CPS1: variants seen among roughly 807,000 people sequenced by gnomAD.
CPS1 encodes carbamoyl-phosphate synthase 1, also known as carbamoyl-phosphate synthase [ammonia], mitochondrial.
Under a neutral mutation model 174.6 loss-of-function variants are expected in CPS1, and 109 were observed. The observed-to-expected ratio is 0.62, with a 90% CI of 0.53 to 0.73. CPS1 has a LOEUF of 0.73. Among genes scored for constraint, CPS1 ranks in the 30% least tolerant of loss-of-function variants. The probability of loss-of-function intolerance (pLI) is 0.00; values close to 1 mark genes in which losing one functional copy is unlikely to be tolerated. For missense variants in CPS1, 1,689 were observed against 1,821.9 expected, an observed-to-expected ratio of 0.93 and a Z score of 1.33; for synonymous variants, 637 against 632.0, an observed-to-expected ratio of 1.01 and a Z score of -0.12.
chr2:210,665,788 G>A (rs1250673924), intron 33 of CPS1, among the ~76,000 whole-genome samples: 5 of 148,146 alleles, frequency 3.4e-5, no homozygotes, highest in African/African-American at 5.0e-5. Context: ...ATAAACATAC[G>A]TGTGCATGTG....
rs572165461 is a variant in CPS1 at position 210,485,303 on chromosome 2, T to C, written c.3+7537T>C. On this transcript the variant is annotated intron_variant, in intron 1 of 38. Transcript: ENST00000430249. Reference sequence around the variant, plus strand: ...ATAATGGACATAAGTAAACGGTATCTAAAGTATACCATTTCATAAGTTTTG... The same window carrying C: ...ATAATGGACATAAGTAAACGGTATCCAAAGTATACCATTTCATAAGTTTTG... 6.6e-5 allele frequency among the ~76,000 whole-genome samples: 10 copies of C among 151,980 alleles called. No individual in the cohort carries two copies. The South Asian group carries it at 1.9e-3, about 28-fold the overall frequency.
At chr2:210,528,853 A>G (rs1429818650) in intron 1 of CPS1, among the ~76,000 whole-genome samples, 2 of 150,062 alleles carry the variant, frequency 1.3e-5, no homozygotes, top group African/African-American at 2.4e-5. Flanking sequence ...TTCCTCGGAA[A>G]ATTTGACAGG....
At chr2:210,524,259 C>T (rs780786729) in intron 1 of CPS1, among the ~76,000 whole-genome samples, 2 of 151,908 alleles carry the variant, frequency 1.3e-5, no homozygotes, top group South Asian at 2.1e-4. Context: ...CTTTTATAAA[C>T]ATTTAATGAC....
intron 1 of CPS1, among the ~76,000 whole-genome samples, chr2:210,502,373 A>ATTTTTTT (rs1559738311): frequency 7.8e-5 from 9 of 114,760 alleles, no homozygotes; most frequent in Non-Finnish European, 1.3e-4. Flanking sequence ...CTCTCTATAT[A>ATTTTTTT]TATATATTTT....
chr2:210,593,562 A>C (rs898381354), intron 11 of CPS1: 25 of 985,556 alleles, frequency 2.5e-5, no homozygotes, highest in Non-Finnish European at 3.0e-5. Context: ...ATCTTTCCAA[A>C]TAAATTCTTC....
At chr2:210,665,257 T>C (rs1248474403) in intron 33 of CPS1, among the ~76,000 whole-genome samples, 1 of 152,212 alleles carries the variant, frequency 6.6e-6, no homozygotes, top group African/African-American at 2.4e-5. Flanking sequence ...AGAACTTTTC[T>C]TGCACAGAAA....
At chr2:210,483,471 G>A (rs1694631424) in intron 1 of CPS1, among the ~76,000 whole-genome samples, 2 of 152,176 alleles carry the variant, frequency 1.3e-5, no homozygotes, top group Admixed American at 1.3e-4. Flanking sequence ...TCACCATCAC[G>A]TGAGTGGTGA....
At chr2:210,625,162 A>G (rs1435924321) in intron 21 of CPS1, among the ~76,000 whole-genome samples, 1 of 151,198 alleles carries the variant, frequency 6.6e-6, no homozygotes, top group African/African-American at 2.4e-5. Context: ...CCATTTGTTG[A>G]TGAATAATCA....
In CPS1 at chr2:210,505,901, G is replaced by T. The variant is rs1414379670; in HGVS notation, c.3+28135G>T. ...AAAAAAGCACAGGGAAGCTCGAACT[G>T]GGTGGAGCCCACCGCAGCTCAAGGA... On this transcript the variant is annotated intron_variant, in intron 1 of 38. Coordinates refer to the CPS1 transcript ENST00000430249. Among the ~76,000 whole-genome samples the T allele has an allele frequency of 4.6e-5, 7 of 152,196 alleles. No homozygotes were observed. The East Asian group carries it at 1.4e-3, about 29-fold the overall frequency.
intron 20 of CPS1, among the ~76,000 whole-genome samples, chr2:210,613,469 TAAG>T (rs1227322033): frequency 6.6e-6 from 1 of 151,860 alleles, no homozygotes; most frequent in Non-Finnish European, 1.5e-5. Context: ...ATAGCAGTGA[TAAG>T]AAGTTATTTT....
chr2:210,576,634 A>G (rs1660578484), intron 3 of CPS1, 144 bp downstream of exon 3: 2 of 900,522 alleles, frequency 2.2e-6, no homozygotes, highest in African/African-American at 3.3e-5. Flanking sequence ...ATTCCTAGGT[A>G]CATGAGAATA....
At chr2:210,646,089 G>A (rs1700369429) in intron 25 of CPS1, among the ~76,000 whole-genome samples, 2 of 152,056 alleles carry the variant, frequency 1.3e-5, no homozygotes, top group Non-Finnish European at 2.9e-5. Context: ...TACACTTTAA[G>A]CTCCTATTTA....
At chr2:210,512,007 A>G (rs1403867384) in intron 1 of CPS1, among the ~76,000 whole-genome samples, 2 of 151,948 alleles carry the variant, frequency 1.3e-5, no homozygotes, top group East Asian at 1.9e-4. Context: ...GCCTCCTGAT[A>G]TTTCCTTACC....
At chr2:210,670,731 T>C (rs1701272893) in intron 34 of CPS1, among the ~76,000 whole-genome samples, 1 of 152,160 alleles carries the variant, frequency 6.6e-6, no homozygotes, top group Non-Finnish European at 1.5e-5. Flanking sequence ...ACTTGTTATA[T>C]GGCAGTCTTT....
Position 210,532,307 on chromosome 2 carries a change from T to C in CPS1, c.4-24412T>C, listed in dbSNP as rs73984633. Among the ~76,000 whole-genome samples the C allele has an allele frequency of 2.8e-3, 429 of 152,266 alleles. 3 individuals are homozygous for C. Among genetic ancestry groups the C allele is most frequent in the African/African-American group, 9.7e-3 (402 of 41,566 alleles). On this transcript the variant is annotated intron_variant, in intron 1 of 38. Transcript: ENST00000430249. ...TAATTAGTCTTTGACCTTGGAGCTATTTGGAAGGGGAATGTGTTGCTTGGA... is the reference window on the plus strand; with the variant it reads ...TAATTAGTCTTTGACCTTGGAGCTACTTGGAAGGGGAATGTGTTGCTTGGA...
intron 2 of CPS1, among the ~76,000 whole-genome samples, chr2:210,573,879 C>T (rs986928126): frequency 1.3e-5 from 2 of 151,964 alleles, no homozygotes; most frequent in Non-Finnish European, 2.9e-5. Flanking sequence ...ATTTTGCACT[C>T]TAGTAAGAAA....
intron 1 of CPS1, 66 bp from the exon 2 acceptor site, chr2:210,573,232 C>CT: frequency 7.4e-7 from 1 of 1,347,828 alleles, no homozygotes; most frequent in Non-Finnish European, 1.1e-6. Context: ...TGTATTTTAC[C>CT]TTTGGAATAT....
chr2:210,548,159 A>G (rs567430584), intron 1 of CPS1, among the ~76,000 whole-genome samples: 5 of 152,126 alleles, frequency 3.3e-5, no homozygotes, highest in African/African-American at 1.2e-4. Flanking sequence ...AGTCACTAAT[A>G]TAGTACTAAT....
intron 18 of CPS1, among the ~76,000 whole-genome samples, chr2:210,607,708 TCA>T: frequency 6.6e-6 from 1 of 152,030 alleles, no homozygotes; most frequent in Middle Eastern, 3.4e-3. Context: ...ATTGTCTTTA[TCA>T]GTTTCCTCAT....
Sources: allele counts gnomAD v4.1 joint callset (sites outside exome capture counted in the v4.1 genomes callset), GRCh38; gene constraint gnomAD v4.1.1; transcripts MANE v1.5; gene names NCBI Gene and HGNC (gene_info 2026-07-23, HGNC 2026-07-21).